The following PFKFB4 variants were observed in gnomAD, a reference collection of about 807,000 sequenced individuals.
PFKFB4 encodes the protein 6-phosphofructo-2-kinase/fructose-2,6-bisphosphatase 4.
In PFKFB4, 42 loss-of-function variants were observed where a neutral mutation model predicts 62.8. That is an observed-to-expected ratio of 0.67 (90% CI 0.52 to 0.86). The LOEUF is 0.86. PFKFB4 is among the 40% of genes least tolerant of loss of function. The pLI is 0.00. For missense variants in PFKFB4, 475 were observed against 627.2 expected, an observed-to-expected ratio of 0.76 and a Z score of 2.59; for synonymous variants, 204 against 240.7, an observed-to-expected ratio of 0.85 and a Z score of 1.41.
At chr3:48,537,493 G>A (rs1385108382) in intron 7 of PFKFB4, among the ~76,000 whole-genome samples, 1 of 140,398 alleles carries the variant, frequency 7.1e-6, no homozygotes, top group Non-Finnish European at 1.6e-5. Context: ...AGAGTTGCTT[G>A]TGTTTCTTGG....
chr3:48,555,118 C>T (rs563058031), intron 1 of PFKFB4, among the ~76,000 whole-genome samples: 1 of 152,036 alleles, frequency 6.6e-6, no homozygotes, highest in Non-Finnish European at 1.5e-5. Flanking sequence ...GCAGCCACCC[C>T]CCTAAGTCAG....
Position 48,556,590 on chromosome 3 carries a change from C to A in PFKFB4, c.97+91G>T, listed in dbSNP as rs985915463. 1.3e-5 allele frequency: 19 copies of A among 1,416,374 alleles called. No homozygotes were observed. Among genetic ancestry groups the A allele is most frequent in the Non-Finnish European group, 1.6e-5 (17 of 1,050,074 alleles). 87.7% of individuals were successfully genotyped at this position (1,416,374 alleles called of 1,614,324 possible). A position where few individuals can be genotyped will look rare whatever the true frequency, so the allele number is the denominator to read the frequency against. On this transcript the variant is annotated intron_variant, in intron 1 of 13. Transcript: ENST00000232375. This position sits in a 1 kb window ranked among gnomAD's most constrained non-coding sequence, Gnocchi z 5.7. ...TGTCCCCGGTTCCCCATCTGTCTCCCGCCCCTTCTCCATGCGAGACCCCCG... is the reference window on the plus strand; with the variant it reads ...TGTCCCCGGTTCCCCATCTGTCTCCAGCCCCTTCTCCATGCGAGACCCCCG...
At chr3:48,551,858 A>G (rs1208331305) in intron 1 of PFKFB4, among the ~76,000 whole-genome samples, 1 of 152,024 alleles carries the variant, frequency 6.6e-6, no homozygotes, top group East Asian at 1.9e-4. Context: ...TTCCAGTGCC[A>G]TCAAACGCGG....
upstream of PFKFB4, among the ~76,000 whole-genome samples, chr3:48,560,280 C>T (rs1217613216): frequency 3.3e-5 from 5 of 152,318 alleles, no homozygotes; most frequent in East Asian, 7.7e-4. Flanking sequence ...TCTCTGCTGC[C>T]TCCCTTCCCA....
At chr3:48,526,618 C>T (rs1209311627) in intron 9 of PFKFB4, among the ~76,000 whole-genome samples, 1 of 149,122 alleles carries the variant, frequency 6.7e-6, no homozygotes. Flanking sequence ...TAGAGTGGGT[C>T]CTAAATCCAG....
Position 48,539,715 on chromosome 3 carries a change from T to C in PFKFB4, c.435A>G (p.Gly145=). 1 of 1,613,898 alleles carries C rather than the reference T, an allele frequency of 6.2e-7. No homozygotes were observed. The highest frequency in any genetic ancestry group is 8.5e-7 in the Non-Finnish European group (1 of 1,179,900). The part of the protein sequence containing the change: ...RERRATIFNF[G]EQNGYKTFFV... The stretch of plus-strand genomic sequence containing the variant: ...GCCTCACCTTGTAGCCATTCTGTTC[T>C]CCAAAATTAAAGATGGTCGCTCTCC... The change falls in exon 5 of 14, where the codon GGA becomes GGG. Residue 145 remains glycine, a synonymous_variant. Coordinates refer to ENST00000232375, the MANE Select transcript of PFKFB4 (RefSeq NM_004567.4).
chr3:48,536,765 T>C, intron 7 of PFKFB4: 1 of 381,992 alleles, frequency 2.6e-6, no homozygotes, highest in Non-Finnish European at 4.8e-6. Context: ...CTTTCTCCGC[T>C]GCTCATGTGT....
Position 48,556,144 on chromosome 3 carries a change from A to AC in PFKFB4, c.97+536dup. Reference sequence around the variant, plus strand: ...ATACTTTTCTGTCTCTATCCTGAGCACATCTCTGCTGAAGTTCCTGCCCAA... The same window carrying AC: ...ATACTTTTCTGTCTCTATCCTGAGCACCATCTCTGCTGAAGTTCCTGCCCAA... On this transcript the variant is annotated intron_variant, in intron 1 of 13. Coordinates refer to ENST00000232375, the MANE Select transcript of PFKFB4 (RefSeq NM_004567.4). The surrounding 1 kb of genome is among the most constrained non-coding windows in gnomAD (Gnocchi z 5.7). 1 of 457,120 alleles carries AC rather than the reference A, an allele frequency of 2.2e-6. No individual in the cohort carries two copies. Among genetic ancestry groups the AC allele is most frequent in the South Asian group, 1.5e-5 (1 of 64,582 alleles). The allele number at this position is 457,120 out of a possible 1,614,324, so 28.3% of individuals were successfully genotyped here.
chr3:48,531,918 C>T (rs201142685), intron 9 of PFKFB4, among the ~76,000 whole-genome samples: 1 of 152,124 alleles, frequency 6.6e-6, no homozygotes, highest in Admixed American at 6.5e-5. Context: ...CAAGTGTTGA[C>T]AAGGATGTGG....
intron 2 of PFKFB4, 38 bp downstream of exon 2, chr3:48,550,080 C>T (rs1323244205): frequency 6.6e-6 from 10 of 1,507,828 alleles, no homozygotes; most frequent in Non-Finnish European, 8.3e-6. Context: ...CGTCATGCCC[C>T]ACAAAGCTCC....
chr3:48,526,961 T>C (rs1251602182), intron 9 of PFKFB4, among the ~76,000 whole-genome samples: 1 of 146,012 alleles, frequency 6.8e-6, no homozygotes, highest in African/African-American at 2.5e-5. Flanking sequence ...AAAAAAAGAA[T>C]GTCATGTGAA....
intron 9 of PFKFB4, among the ~76,000 whole-genome samples, chr3:48,533,483 C>G (rs2107510639): frequency 6.6e-6 from 1 of 152,134 alleles, no homozygotes; most frequent in South Asian, 2.1e-4. Context: ...TGGGAACCAC[C>G]CATAATAAAG....
chr3:48,525,874 G>T, intron 9 of PFKFB4: 1 of 383,968 alleles, frequency 2.6e-6, no homozygotes. Flanking sequence ...CTACCAGGAT[G>T]GTCTTGTCCA....
At chr3:48,545,669 G>A (rs978958931) in intron 3 of PFKFB4, among the ~76,000 whole-genome samples, 1 of 150,338 alleles carries the variant, frequency 6.7e-6, no homozygotes, top group Non-Finnish European at 1.5e-5. Context: ...GTCTCACTAT[G>A]TTCCCCAGGC....
At chr3:48,557,076 G>T (rs2043347136), upstream of PFKFB4, 3 of 863,756 alleles carry the variant, frequency 3.5e-6, no homozygotes, top group Non-Finnish European at 4.7e-6. Flanking sequence ...TCCCGCCCCA[G>T]TTCAAGGCCC....
At chr3:48,523,294 G>T (rs927222674) in intron 12 of PFKFB4, among the ~76,000 whole-genome samples, 8 of 152,154 alleles carry the variant, frequency 5.3e-5, no homozygotes, top group South Asian at 2.1e-4. Context: ...AGAGGCAAGA[G>T]AATCATCTGA....
chr3:48,557,023 G>T (rs2043346057), upstream of PFKFB4: 1 of 1,298,400 alleles, frequency 7.7e-7, no homozygotes, highest in Non-Finnish European at 9.9e-7. Context: ...AGTTCTTCAG[G>T]CCAGGATCGA....
At chr3:48,551,729 G>A (rs1278032021) in intron 1 of PFKFB4, among the ~76,000 whole-genome samples, 1 of 151,094 alleles carries the variant, frequency 6.6e-6, no homozygotes, top group Non-Finnish European at 1.5e-5. Flanking sequence ...ATTTTCAGTA[G>A]AGACAGGATT....
chr3:48,518,676 T>C lies in PFKFB4; in HGVS notation c.*1071A>G, dbSNP rs1430185272. ...TCCTCCCTTGCCCAGGGACTGCCTA[T>C]GGGTTCTGCCTTCTCCCTTCCTCAG... is the stretch of plus-strand genomic sequence containing the variant. On this transcript the variant is annotated 3_prime_UTR_variant, in exon 14 of 14. Coordinates refer to ENST00000232375, the MANE Select transcript of PFKFB4 (RefSeq NM_004567.4). 8 of 152,306 alleles carry C rather than the reference T, an allele frequency of 5.3e-5. No individual in the cohort carries two copies. The highest frequency in any genetic ancestry group is 4.6e-4 in the Admixed American group (7 of 15,284). 9.4% of individuals were successfully genotyped at this position (152,306 alleles called of 1,614,324 possible). A position where few individuals can be genotyped will look rare whatever the true frequency, so the allele number is the denominator to read the frequency against.
Sources: allele counts gnomAD v4.1 joint callset (sites outside exome capture counted in the v4.1 genomes callset), GRCh38; gene constraint gnomAD v4.1.1; non-coding constraint Gnocchi (gnomAD v3.1); transcripts MANE v1.5; gene names NCBI Gene and HGNC (gene_info 2026-07-23, HGNC 2026-07-21).